Variants in RBFOX3 observed in about 807,000 individuals in gnomAD.
RBFOX3 encodes the protein RNA binding protein fox-1 homolog 3.
A neutral mutation model predicts 48.7 loss-of-function variants in RBFOX3; 17 were observed. The observed-to-expected ratio is 0.35, with a 90% CI of 0.24 to 0.52. The LOEUF is 0.52. Among genes scored for constraint, RBFOX3 ranks in the 20% least tolerant of loss-of-function variants. The probability of loss-of-function intolerance (pLI) is 0.94; values close to 1 mark genes in which losing one functional copy is unlikely to be tolerated. For missense variants in RBFOX3, 382 were observed against 497.5 expected (o/e 0.77, Z 2.21); for synonymous variants, 212 against 209.5 (o/e 1.01, Z -0.10).
At chr17:79,596,398 C>T (rs2093570699) in intron 1 of RBFOX3, among the ~76,000 whole-genome samples, 1 of 152,186 alleles carries the variant, frequency 6.6e-6, no homozygotes, top group Admixed American at 6.5e-5. Flanking sequence ...CTCTGATCAG[C>T]AGGCAGAGAG....
chr17:79,577,347 G>A (rs931935572), intron 1 of RBFOX3, among the ~76,000 whole-genome samples: 1 of 152,202 alleles, frequency 6.6e-6, no homozygotes, highest in Non-Finnish European at 1.5e-5. Flanking sequence ...CACCCTCCAT[G>A]GGGAAGCAAC....
At chr17:79,585,600 A>G (rs2093224095) in intron 1 of RBFOX3, among the ~76,000 whole-genome samples, 1 of 152,182 alleles carries the variant, frequency 6.6e-6, no homozygotes, top group Non-Finnish European at 1.5e-5. Context: ...AAAATGTTTA[A>G]GACCTGGGGG....
At chr17:79,200,795 A>AC (rs1052349305) in intron 4 of RBFOX3, among the ~76,000 whole-genome samples, 2 of 151,988 alleles carry the variant, frequency 1.3e-5, no homozygotes, top group Non-Finnish European at 2.9e-5. Flanking sequence ...ATGCACCTGG[A>AC]CCCCTGGTCC....
At chr17:79,170,528 C>T (rs75891403) in intron 4 of RBFOX3, among the ~76,000 whole-genome samples, 4,940 of 152,132 alleles carry the variant, frequency 0.032, 247 homozygotes, top group African/African-American at 0.11. Context: ...CCATCCACCA[C>T]GCGTCTGCAC....
chr17:79,342,979 CGAGAGA>C (rs35571686), intron 2 of RBFOX3, among the ~76,000 whole-genome samples: 79 of 143,854 alleles, frequency 5.5e-4, no homozygotes, highest in African/African-American at 1.9e-3. Flanking sequence ...AGAGAAAGAG[CGAGAGA>C]GAGAGAGAGA....
chr17:79,588,711 C>A (rs1285036100), intron 1 of RBFOX3, among the ~76,000 whole-genome samples: 1 of 149,666 alleles, frequency 6.7e-6, no homozygotes, highest in Non-Finnish European at 1.5e-5. Flanking sequence ...GCTTGGACCT[C>A]GGCAATATAG....
intron 2 of RBFOX3, among the ~76,000 whole-genome samples, chr17:79,406,504 G>T (rs1008059016): frequency 6.6e-6 from 1 of 152,182 alleles, no homozygotes; most frequent in African/African-American, 2.4e-5. Context: ...TTGCCTGGCT[G>T]TTGTTTCTCC....
chr17:79,148,618 G>A (rs907471116), intron 4 of RBFOX3, among the ~76,000 whole-genome samples: 2 of 152,242 alleles, frequency 1.3e-5, no homozygotes, highest in East Asian at 1.9e-4. Flanking sequence ...ACAGTAGTTG[G>A]GGCCACCTTA....
At chr17:79,172,489 T>C (rs1360426482) in intron 4 of RBFOX3, among the ~76,000 whole-genome samples, 1 of 152,168 alleles carries the variant, frequency 6.6e-6, no homozygotes, top group Admixed American at 6.5e-5. Flanking sequence ...CACGTCCCCC[T>C]GGTGCTCCCC....
intron 2 of RBFOX3, among the ~76,000 whole-genome samples, chr17:79,376,690 G>T (rs983678777): frequency 2.0e-5 from 3 of 152,218 alleles, no homozygotes; most frequent in Non-Finnish European, 2.9e-5. Flanking sequence ...GGAGGAAGAG[G>T]AGGGGTGCAG....
chr17:79,542,966 A>C (rs2089925255), intron 1 of RBFOX3, among the ~76,000 whole-genome samples: 1 of 152,000 alleles, frequency 6.6e-6, no homozygotes, highest in Non-Finnish European at 1.5e-5. Flanking sequence ...TTTTCACTCT[A>C]CACACGTCAA....
the RBFOX3 span, among the ~76,000 whole-genome samples, chr17:79,664,892 G>A: frequency 6.6e-6 from 1 of 152,194 alleles, no homozygotes; most frequent in South Asian, 2.1e-4. Context: ...ATTTCACTTA[G>A]CATAATGTCC....
intron 1 of RBFOX3, among the ~76,000 whole-genome samples, chr17:79,527,990 C>T (rs1172313713): frequency 6.6e-6 from 1 of 152,236 alleles, no homozygotes; most frequent in African/African-American, 2.4e-5. Context: ...AAACAAAAGA[C>T]ACGTCAAAGC....
At chr17:79,358,955 C>T (rs965394149) in intron 2 of RBFOX3, among the ~76,000 whole-genome samples, 7 of 152,206 alleles carry the variant, frequency 4.6e-5, no homozygotes, top group East Asian at 1.9e-4. Context: ...AGAGGGCTCG[C>T]GCAGAGCAGA....
At chr17:79,623,584 G>C in the RBFOX3 span, among the ~76,000 whole-genome samples, 1 of 152,078 alleles carries the variant, frequency 6.6e-6, no homozygotes, top group African/African-American at 2.4e-5. Flanking sequence ...AGGCCAAGGC[G>C]GGGTGGATTG....
intron 2 of RBFOX3, among the ~76,000 whole-genome samples, chr17:79,410,729 A>C (rs938826119): frequency 6.6e-6 from 1 of 152,186 alleles, no homozygotes; most frequent in Non-Finnish European, 1.5e-5. Flanking sequence ...TTTGTTACTC[A>C]TCAGTGGCAC....
At chr17:79,661,397 T>C in the RBFOX3 span, among the ~76,000 whole-genome samples, 222 of 152,340 alleles carry the variant, frequency 1.5e-3, 6 homozygotes, top group South Asian at 0.044. Context: ...TTTGGTGAGG[T>C]TCATAGAGTA....
intron 2 of RBFOX3, among the ~76,000 whole-genome samples, chr17:79,330,690 G>A (rs2080140898): frequency 6.6e-6 from 1 of 152,102 alleles, no homozygotes; most frequent in African/African-American, 2.4e-5. Flanking sequence ...GCCACCATGT[G>A]GGCTTGGGGA....
intron 2 of RBFOX3, among the ~76,000 whole-genome samples, chr17:79,402,819 C>G (rs1351114287): frequency 6.6e-6 from 1 of 152,206 alleles, no homozygotes; most frequent in Non-Finnish European, 1.5e-5. Flanking sequence ...CCGGATCCAG[C>G]TTGGATCCTC....
Sources: gnomAD v4.1 joint callset for allele counts (sites outside exome capture counted in the v4.1 genomes callset) on GRCh38, gnomAD v4.1.1 for gene constraint, MANE v1.5 for transcripts, NCBI Gene and HGNC (gene_info 2026-07-23, HGNC 2026-07-21) for gene names.